Variants in CENPP observed in about 807,000 individuals in gnomAD.
CENPP encodes centromere protein P.
A neutral mutation model predicts 35.6 loss-of-function variants in CENPP; 24 were observed. The ratio of observed to expected loss-of-function variants is 0.67; its 90% CI spans 0.49 to 0.95. CENPP has a LOEUF of 0.95. Among genes scored for constraint, CENPP ranks in the 40% least tolerant of loss-of-function variants. The pLI, the probability that CENPP is intolerant of heterozygous loss-of-function variation, is 0.00. For missense variants in CENPP, 332 were observed against 345.3 expected (o/e 0.96, Z 0.31); for synonymous variants, 120 against 125.5 (o/e 0.96, Z 0.29).
At chr9:92,570,128 T>G (rs1182045388) in intron 5 of CENPP, among the ~76,000 whole-genome samples, 1 of 151,872 alleles carries the variant, frequency 6.6e-6, no homozygotes, top group Non-Finnish European at 1.5e-5. Flanking sequence ...TGAATAGGAG[T>G]GGTGAGAGAG....
chr9:92,361,297 C>T (rs954152910), intron 4 of CENPP, among the ~76,000 whole-genome samples: 6 of 151,730 alleles, frequency 4.0e-5, no homozygotes, highest in African/African-American at 1.4e-4. Flanking sequence ...CATGCCACCA[C>T]ATCTGGCTAA....
chr9:92,417,397 A>C, intron 5 of CENPP: 1 of 1,614,130 alleles, frequency 6.2e-7, no homozygotes, highest in Admixed American at 1.7e-5. Flanking sequence ...ACTGATGAAA[A>C]GGAACTCCGT....
At chr9:92,533,331 ATATATATATATATATAT>A (rs1563991510) in intron 5 of CENPP, among the ~76,000 whole-genome samples, 39 of 79,088 alleles carry the variant, frequency 4.9e-4, no homozygotes, top group African/African-American at 1.8e-3. Context: ...AAAAAAAAAT[ATATATATATATATATAT>A]ATATATATAT....
intron 5 of CENPP, chr9:92,457,241 G>A: frequency 6.3e-7 from 1 of 1,594,056 alleles, no homozygotes; most frequent in Non-Finnish European, 8.6e-7. Flanking sequence ...TCCAAATGTA[G>A]GGATTTTTGA....
intron 5 of CENPP, among the ~76,000 whole-genome samples, chr9:92,396,737 G>A (rs1050492281): frequency 1.3e-5 from 2 of 151,492 alleles, no homozygotes; most frequent in Non-Finnish European, 2.9e-5. Context: ...GCTTTTTCTT[G>A]GTTAAATTTT....
intron 5 of CENPP, among the ~76,000 whole-genome samples, chr9:92,541,152 GGAAGGC>G (rs1563995551): frequency 6.6e-6 from 1 of 151,962 alleles, no homozygotes; most frequent in East Asian, 1.9e-4. Flanking sequence ...CCAGCTACTC[GGAAGGC>G]TGAGGCAGGA....
At chr9:92,352,041 T>C (rs1841461505) in intron 4 of CENPP, among the ~76,000 whole-genome samples, 1 of 146,580 alleles carries the variant, frequency 6.8e-6, no homozygotes, top group East Asian at 2.0e-4. Flanking sequence ...TTTTTTTTTT[T>C]AAGCACCACA....
intron 5 of CENPP, among the ~76,000 whole-genome samples, chr9:92,432,562 A>G (rs1844138402): frequency 1.3e-5 from 2 of 152,200 alleles, no homozygotes; most frequent in Admixed American, 1.3e-4. Context: ...TTGCCAAATA[A>G]GGAGGATTGG....
At chr9:92,371,191 G>A (rs1195550393) in intron 4 of CENPP, among the ~76,000 whole-genome samples, 1 of 151,996 alleles carries the variant, frequency 6.6e-6, no homozygotes, top group East Asian at 1.9e-4. Flanking sequence ...TGTTCCTTGA[G>A]GTACATTGTT....
chr9:92,532,034 A>ATTTTTTTTTTTTTTTTTTTTTTTTTT (rs58499748), intron 5 of CENPP, among the ~76,000 whole-genome samples: 8 of 98,254 alleles, frequency 8.1e-5, no homozygotes, highest in Non-Finnish European at 1.4e-4. Flanking sequence ...TTTTTATTTT[A>ATTTTTTTTTTTTTTTTTTTTTTTTTT]TTTTTTTTTT....
chr9:92,427,745 G>T (rs1223746857), intron 5 of CENPP, among the ~76,000 whole-genome samples: 2 of 152,220 alleles, frequency 1.3e-5, no homozygotes, highest in Non-Finnish European at 2.9e-5. Context: ...CTCCCAAAGT[G>T]CTGGGATTAC....
chr9:92,435,466 G>T (rs1285180863), intron 5 of CENPP, among the ~76,000 whole-genome samples: 1 of 152,172 alleles, frequency 6.6e-6, no homozygotes, highest in Admixed American at 6.5e-5. Context: ...CTATGGTACA[G>T]TATTACAATC....
At chr9:92,590,980 G>C (rs779859155) in intron 5 of CENPP, among the ~76,000 whole-genome samples, 3 of 152,146 alleles carry the variant, frequency 2.0e-5, no homozygotes, top group Admixed American at 2.0e-4. Flanking sequence ...TTGAATAAAT[G>C]AGCCAAAAGG....
intron 4 of CENPP, among the ~76,000 whole-genome samples, chr9:92,358,203 T>C (rs141058252): frequency 6.6e-6 from 1 of 152,098 alleles, no homozygotes; most frequent in East Asian, 1.9e-4. Context: ...AGTTGGTAGT[T>C]TGTTCTCTTG....
intron 4 of CENPP, among the ~76,000 whole-genome samples, chr9:92,356,755 T>A (rs1228541468): frequency 6.6e-6 from 1 of 152,242 alleles, no homozygotes; most frequent in Non-Finnish European, 1.5e-5. Context: ...TCTTCACAAT[T>A]TATGTTCAGA....
At chr9:92,371,403 A>G (rs1564282805) in intron 4 of CENPP, among the ~76,000 whole-genome samples, 1 of 152,046 alleles carries the variant, frequency 6.6e-6, no homozygotes, top group African/African-American at 2.4e-5. Flanking sequence ...TTTAATTTCC[A>G]TGTATGTGTA....
intron 5 of CENPP, among the ~76,000 whole-genome samples, chr9:92,499,685 C>G (rs79959995): frequency 0.011 from 1,650 of 152,308 alleles, 21 homozygotes; most frequent in South Asian, 0.054. Flanking sequence ...AAAGTCTTCC[C>G]AAACCCCCAT....
intron 5 of CENPP, among the ~76,000 whole-genome samples, chr9:92,585,119 A>T (rs1850510618): frequency 6.6e-6 from 1 of 152,242 alleles, no homozygotes; most frequent in South Asian, 2.1e-4. Context: ...GAGTAGAATG[A>T]CAAGAATGTT....
intron 4 of CENPP, among the ~76,000 whole-genome samples, chr9:92,357,661 A>AT (rs1215969668): frequency 2.0e-5 from 3 of 151,028 alleles, no homozygotes; most frequent in East Asian, 1.9e-4. Flanking sequence ...CTCCTGGCTC[A>AT]TTTTTTTTGT....
Sources: gnomAD v4.1 joint callset for allele counts (sites outside exome capture counted in the v4.1 genomes callset) on GRCh38, gnomAD v4.1.1 for gene constraint, MANE v1.5 for transcripts, NCBI Gene and HGNC (gene_info 2026-07-23, HGNC 2026-07-21) for gene names.